Variants in RGS5 observed in about 807,000 individuals in gnomAD.
RGS5 encodes regulator of G protein signaling 5.
Under a neutral mutation model 18.9 loss-of-function variants are expected in RGS5, and 20 were observed. That is an observed-to-expected ratio of 1.06 (90% confidence interval 0.74 to 1.54). The LOEUF is 1.54. Among genes scored for constraint, RGS5 ranks in the 40% most tolerant of loss-of-function variants. The probability of loss-of-function intolerance (pLI) is 0.00; values close to 1 mark genes in which losing one functional copy is unlikely to be tolerated. For missense variants in RGS5, 201 were observed against 211.8 expected, an observed-to-expected ratio of 0.95 and a Z score of 0.32; for synonymous variants, 57 against 76.2, an observed-to-expected ratio of 0.75 and a Z score of 1.31.
chr1:163,295,941 C>G (rs190073345), intron 2 of RGS5, among the ~76,000 whole-genome samples: 1 of 151,864 alleles, frequency 6.6e-6, no homozygotes, highest in African/African-American at 2.4e-5. Flanking sequence ...TCTGTTTTCA[C>G]AGAAATGGGC....
At chr1:163,180,691 T>TTTTTTTTTTG (rs1658789122) in intron 1 of RGS5, among the ~76,000 whole-genome samples, 1 of 119,164 alleles carries the variant, frequency 8.4e-6, no homozygotes, top group African/African-American at 3.6e-5. Context: ...ACCCTGTTTT[T>TTTTTTTTTTG]TTTTTTTTTT....
Position 163,192,665 on chromosome 1 carries a change from T to C in RGS5, c.44+10127A>G, listed in dbSNP as rs146887997. ...TATTGAGGGTATATGTGTGTAAGTG[T>C]GTATGCCTGCACATGCATGTGTGTG... On this transcript the variant is annotated intron_variant, in intron 1 of 4. Coordinates refer to ENST00000313961, the MANE Select transcript of RGS5 (RefSeq NM_003617.4). 6.0e-3 allele frequency among the ~76,000 whole-genome samples: 914 copies of C among 152,306 alleles called. 11 individuals are homozygous for C. Among genetic ancestry groups the C allele is most frequent in the African/African-American group, 0.021 (858 of 41,578 alleles).
intron 2 of RGS5, among the ~76,000 whole-genome samples, chr1:163,293,785 A>T (rs1436581261): frequency 6.6e-6 from 1 of 152,218 alleles, no homozygotes; most frequent in Non-Finnish European, 1.5e-5. Flanking sequence ...GATACAATGG[A>T]GGTACAGACA....
chr1:163,185,870 A>G (rs912224591), intron 1 of RGS5, among the ~76,000 whole-genome samples: 1 of 152,234 alleles, frequency 6.6e-6, no homozygotes, highest in Non-Finnish European at 1.5e-5. Context: ...GAGAACTTAG[A>G]TAATTTGCTC....
chr1:163,197,240 G>A (rs2999966), intron 1 of RGS5, among the ~76,000 whole-genome samples: 2 of 151,808 alleles, frequency 1.3e-5, no homozygotes, highest in African/African-American at 2.4e-5. Flanking sequence ...GGCTGTGCCC[G>A]CCCATCTCTG....
intron 2 of RGS5, among the ~76,000 whole-genome samples, chr1:163,282,591 T>A (rs548430533): frequency 1.3e-5 from 2 of 152,214 alleles, no homozygotes; most frequent in South Asian, 2.1e-4. Flanking sequence ...TTGCCTGCAG[T>A]CTCAGCTACT....
chr1:163,272,860 T>C (rs1185131882), intron 2 of RGS5, among the ~76,000 whole-genome samples: 1 of 152,118 alleles, frequency 6.6e-6, no homozygotes, highest in Non-Finnish European at 1.5e-5. Context: ...AATTTGGTAG[T>C]ATAAATCACC....
intron 1 of RGS5, among the ~76,000 whole-genome samples, chr1:163,174,088 T>TAAAC (rs903493564): frequency 6.6e-6 from 1 of 151,820 alleles, no homozygotes; most frequent in Non-Finnish European, 1.5e-5. Context: ...AATAAATAAA[T>TAAAC]AAACAAACAA....
intron 2 of RGS5, among the ~76,000 whole-genome samples, chr1:163,255,515 T>G (rs913153211): frequency 2.0e-5 from 3 of 151,580 alleles, no homozygotes; most frequent in African/African-American, 4.9e-5. Flanking sequence ...GATTCACAGC[T>G]GAATTCTACC....
At chr1:163,208,518 T>TAAAAAAAAAAAAAAA (rs55700806) in intron 1 of RGS5, among the ~76,000 whole-genome samples, 1 of 14,464 alleles carries the variant, frequency 6.9e-5, no homozygotes, top group African/African-American at 2.7e-4. Context: ...CCACCTCCAT[T>TAAAAAAAAAAAAAAA]AAAAAAAAAA....
chr1:163,245,953 C>G (rs1222614404), intron 2 of RGS5, among the ~76,000 whole-genome samples: 2 of 152,234 alleles, frequency 1.3e-5, no homozygotes, highest in African/African-American at 2.4e-5. Flanking sequence ...CTGTGGCTCA[C>G]GCCTGTAATC....
chr1:163,313,597 G>C (rs1346407760), intron 1 of RGS5, among the ~76,000 whole-genome samples: 1 of 152,206 alleles, frequency 6.6e-6, no homozygotes, highest in South Asian at 2.1e-4. Flanking sequence ...TATGGAGGGA[G>C]AGAGACACAT....
chr1:163,209,864 G>GTA (rs1179016137), intron 1 of RGS5, among the ~76,000 whole-genome samples: 2 of 152,018 alleles, frequency 1.3e-5, no homozygotes, highest in African/African-American at 4.8e-5. Flanking sequence ...AATATCTATA[G>GTA]TACAATATTG....
At chr1:163,175,115 T>C (rs1658489132) in intron 1 of RGS5, among the ~76,000 whole-genome samples, 1 of 152,090 alleles carries the variant, frequency 6.6e-6, no homozygotes, top group African/African-American at 2.4e-5. Flanking sequence ...AGAACATGTC[T>C]GGAATAGATA....
chr1:163,273,733 C>G (rs1360016017), intron 2 of RGS5, among the ~76,000 whole-genome samples: 2 of 152,042 alleles, frequency 1.3e-5, no homozygotes, highest in Non-Finnish European at 2.9e-5. Flanking sequence ...TTTCTTGTTT[C>G]TTTCTATCTG....
upstream of RGS5, among the ~76,000 whole-genome samples, chr1:163,218,958 G>C (rs1660276109): frequency 6.6e-6 from 1 of 152,174 alleles, no homozygotes; most frequent in Admixed American, 6.5e-5. Context: ...AATTGCGTGA[G>C]GGCCAGAGGG....
At position 163,234,448 on chromosome 1, in the gene RGS5, G is replaced by A. The variant is rs929370587; in HGVS notation, c.-280-66080C>T. 2.0e-5 allele frequency among the ~76,000 whole-genome samples: 3 copies of A among 151,922 alleles called. No individual in the cohort carries two copies. In the South Asian group the frequency reaches 6.2e-4, roughly 32 times the overall value. On this transcript the variant is annotated intron_variant, in intron 2 of 5. Transcript: ENST00000618415. ...GGAATATTTGTACCTATAATTATGA[G>A]GAATAGTGAACTAATGCTTTTTTTC...
At chr1:163,221,520 CAATA>C (rs377642781), upstream of RGS5, among the ~76,000 whole-genome samples, 30,618 of 150,250 alleles carry the variant, frequency 0.2, 3,147 homozygotes, top group Middle Eastern at 0.26. Context: ...ATCAATCAAT[CAATA>C]AAATCTCCAT....
chr1:163,160,263 C>A (rs1657749293), intron 3 of RGS5, among the ~76,000 whole-genome samples: 1 of 152,056 alleles, frequency 6.6e-6, no homozygotes, highest in African/African-American at 2.4e-5. Context: ...GGTTTTTTGA[C>A]AATAGCAATA....
Sources: gnomAD v4.1 joint callset for allele counts (sites outside exome capture counted in the v4.1 genomes callset) on GRCh38, gnomAD v4.1.1 for gene constraint, MANE v1.5 for transcripts, NCBI Gene and HGNC (gene_info 2026-07-23, HGNC 2026-07-21) for gene names.